ARB2A: variants seen among roughly 807,000 people sequenced by gnomAD.
ARB2A encodes cotranscriptional regulator ARB2A.
the ARB2A span, among the ~76,000 whole-genome samples, chr5:93,989,515 T>C: frequency 6.6e-6 from 1 of 152,074 alleles, no homozygotes; most frequent in African/African-American, 2.4e-5. Context: ...ATCATCCCAA[T>C]CCCCTGTTTA....
At chr5:93,772,581 G>T in the ARB2A span, among the ~76,000 whole-genome samples, 3 of 152,192 alleles carry the variant, frequency 2.0e-5, no homozygotes, top group African/African-American at 7.2e-5. Context: ...TCATCTCACA[G>T]TTTTTGTGGG....
chr5:93,761,004 T>C, the ARB2A span, among the ~76,000 whole-genome samples: 1 of 152,158 alleles, frequency 6.6e-6, no homozygotes, highest in Non-Finnish European at 1.5e-5. Context: ...TCTATACATC[T>C]GACAAAGGAC....
At chr5:93,621,183 T>G in the ARB2A span, 7 of 1,527,328 alleles carry the variant, frequency 4.6e-6, no homozygotes, top group Non-Finnish European at 6.2e-6. Flanking sequence ...CCAGGCGCGG[T>G]GAGGGCGGCG....
At chr5:93,792,575 G>A in the ARB2A span, among the ~76,000 whole-genome samples, 1 of 151,504 alleles carries the variant, frequency 6.6e-6, no homozygotes, top group South Asian at 2.1e-4. Flanking sequence ...GTGAACTATC[G>A]CAAGAACAAA....
the ARB2A span, among the ~76,000 whole-genome samples, chr5:94,105,226 T>G: frequency 1.3e-5 from 2 of 152,096 alleles, no homozygotes; most frequent in Non-Finnish European, 2.9e-5. Context: ...GATATGATTC[T>G]ACACTTATAA....
the ARB2A span, among the ~76,000 whole-genome samples, chr5:93,995,512 C>A: frequency 6.6e-6 from 1 of 152,146 alleles, no homozygotes; most frequent in Non-Finnish European, 1.5e-5. Context: ...TGACTGCCAT[C>A]TGAGAAAGGT....
At chr5:93,625,556 C>T in the ARB2A span, among the ~76,000 whole-genome samples, 53 of 152,206 alleles carry the variant, frequency 3.5e-4, no homozygotes, top group African/African-American at 1.2e-3. Flanking sequence ...GGCAGGGGAT[C>T]GTCCAATGAA....
the ARB2A span, among the ~76,000 whole-genome samples, chr5:93,756,025 C>T: frequency 1.3e-5 from 2 of 152,144 alleles, no homozygotes; most frequent in South Asian, 2.1e-4. Context: ...AGACTCAGGG[C>T]TGTTGTGGGG....
At chr5:94,094,409 A>T in the ARB2A span, among the ~76,000 whole-genome samples, 1 of 152,112 alleles carries the variant, frequency 6.6e-6, no homozygotes, top group Non-Finnish European at 1.5e-5. Context: ...CCATCCTATG[A>T]CCTCATTTAA....
At chr5:93,917,020 C>A in the ARB2A span, among the ~76,000 whole-genome samples, 2 of 152,166 alleles carry the variant, frequency 1.3e-5, no homozygotes, top group African/African-American at 2.4e-5. Flanking sequence ...CTGCAGCTTA[C>A]AAACATATTC....
At chr5:93,832,360 A>T in the ARB2A span, among the ~76,000 whole-genome samples, 5 of 152,224 alleles carry the variant, frequency 3.3e-5, no homozygotes, top group African/African-American at 1.2e-4. Flanking sequence ...CTCAATTCTA[A>T]GAGTCACTAC....
the ARB2A span, among the ~76,000 whole-genome samples, chr5:94,045,151 A>T: frequency 6.6e-6 from 1 of 151,272 alleles, no homozygotes; most frequent in Admixed American, 6.6e-5. Context: ...AACCAAAATA[A>T]AAAGGAAGTT....
the ARB2A span, among the ~76,000 whole-genome samples, chr5:93,998,694 TCC>T: frequency 6.6e-6 from 1 of 151,956 alleles, no homozygotes; most frequent in Non-Finnish European, 1.5e-5. Flanking sequence ...AAAGAGATAT[TCC>T]ATTTAACATG....
At chr5:94,072,847 AAC>A in the ARB2A span, among the ~76,000 whole-genome samples, 2 of 152,274 alleles carry the variant, frequency 1.3e-5, no homozygotes, top group Middle Eastern at 6.8e-3. Context: ...CTTTAATTAT[AAC>A]AGTCATCACC....
chr5:93,689,961 T>C, the ARB2A span, among the ~76,000 whole-genome samples: 1 of 152,032 alleles, frequency 6.6e-6, no homozygotes, highest in Non-Finnish European at 1.5e-5. Context: ...GTTGAAGAAC[T>C]CCCTCCCCTA....
chr5:93,872,158 C>T, the ARB2A span, among the ~76,000 whole-genome samples: 6 of 151,862 alleles, frequency 4.0e-5, no homozygotes, highest in Non-Finnish European at 7.4e-5. Flanking sequence ...ATGTTGGCCA[C>T]GCTGGTCTTG....
At chr5:93,844,774 T>C in the ARB2A span, among the ~76,000 whole-genome samples, 1 of 152,012 alleles carries the variant, frequency 6.6e-6, no homozygotes, top group Non-Finnish European at 1.5e-5. Context: ...ATGCTGAGAG[T>C]TGTTATCACC....
At chr5:93,772,782 C>A in the ARB2A span, among the ~76,000 whole-genome samples, 2 of 152,176 alleles carry the variant, frequency 1.3e-5, no homozygotes, top group Non-Finnish European at 2.9e-5. Context: ...CAGTTCCTTG[C>A]CATGTGGGCC....
At chr5:93,807,990 A>T in the ARB2A span, among the ~76,000 whole-genome samples, 1 of 152,050 alleles carries the variant, frequency 6.6e-6, no homozygotes, top group Non-Finnish European at 1.5e-5. Flanking sequence ...GCAAGAACAC[A>T]TCAGGCTGCC....
Sources: allele counts gnomAD v4.1 joint callset (sites outside exome capture counted in the v4.1 genomes callset), GRCh38; gene constraint gnomAD v4.1.1; transcripts MANE v1.5; gene names NCBI Gene and HGNC (gene_info 2026-07-23, HGNC 2026-07-21).